The following SERGEF variants were observed in gnomAD, a reference collection of about 807,000 sequenced individuals.
SERGEF encodes secretion regulating guanine nucleotide exchange factor.
SERGEF carries 51 observed loss-of-function variants against 50.0 expected under a neutral mutation model. The observed-to-expected ratio is 1.02, with a 90% confidence interval of 0.81 to 1.29. SERGEF has a LOEUF of 1.29. Among genes scored for constraint, SERGEF ranks in the 50% most tolerant of loss-of-function variants. The pLI is 0.00. For synonymous variants in SERGEF, 205 were observed against 212.4 expected (o/e 0.97, Z 0.30); for missense variants, 521 against 557.0 (o/e 0.94, Z 0.65).
intron 9 of SERGEF, among the ~76,000 whole-genome samples, chr11:17,944,274 C>T (rs138537760): frequency 8.9e-4 from 135 of 152,202 alleles, no homozygotes; most frequent in African/African-American, 3.0e-3. Flanking sequence ...AACTTGATGC[C>T]CCATTATTCT....
At chr11:17,950,434 G>A (rs913347448) in intron 9 of SERGEF, among the ~76,000 whole-genome samples, 1 of 152,144 alleles carries the variant, frequency 6.6e-6, no homozygotes, top group Non-Finnish European at 1.5e-5. Context: ...TGTATTATGG[G>A]AATAAATGTT....
chr11:17,963,350 T>C (rs1347058616), intron 8 of SERGEF, among the ~76,000 whole-genome samples: 1 of 128,526 alleles, frequency 7.8e-6, no homozygotes, highest in African/African-American at 3.1e-5. Flanking sequence ...CTAAACTTGG[T>C]TGCTTACTAT....
chr11:18,002,790 C>T (rs1338838296), intron 4 of SERGEF, among the ~76,000 whole-genome samples: 1 of 152,194 alleles, frequency 6.6e-6, no homozygotes. Context: ...ACTGCCTAAA[C>T]ATAGTACCTA....
intron 9 of SERGEF, among the ~76,000 whole-genome samples, chr11:17,940,153 T>C (rs1025642594): frequency 1.3e-5 from 2 of 152,130 alleles, no homozygotes; most frequent in Non-Finnish European, 2.9e-5. Flanking sequence ...GAGTCCAGTA[T>C]GGTGGGTTCA....
At chr11:17,962,458 C>T (rs1252363151) in intron 8 of SERGEF, among the ~76,000 whole-genome samples, 1 of 151,968 alleles carries the variant, frequency 6.6e-6, no homozygotes, top group African/African-American at 2.4e-5. Flanking sequence ...ACAAATTTAA[C>T]AAACGTATCT....
At chr11:17,936,121 C>A (rs1002990956) in intron 9 of SERGEF, among the ~76,000 whole-genome samples, 1 of 152,140 alleles carries the variant, frequency 6.6e-6, no homozygotes, top group African/African-American at 2.4e-5. Context: ...GTATAACAAG[C>A]AGAATGTTAA....
At chr11:17,925,398 C>T (rs1458953453) in intron 9 of SERGEF, among the ~76,000 whole-genome samples, 1 of 152,014 alleles carries the variant, frequency 6.6e-6, no homozygotes, top group African/African-American at 2.4e-5. Flanking sequence ...AAAGGGACTG[C>T]ATTCTAGAAG....
intron 9 of SERGEF, among the ~76,000 whole-genome samples, chr11:17,881,911 A>G (rs1851338208): frequency 6.6e-6 from 1 of 152,122 alleles, no homozygotes; most frequent in Non-Finnish European, 1.5e-5. Flanking sequence ...AACATCTTAC[A>G]AGGCCCTCAT....
At chr11:17,950,497 T>C (rs1852755136) in intron 9 of SERGEF, among the ~76,000 whole-genome samples, 1 of 152,226 alleles carries the variant, frequency 6.6e-6, no homozygotes, top group Non-Finnish European at 1.5e-5. Flanking sequence ...ATCAGATTTC[T>C]ATTTCAGTAC....
intron 9 of SERGEF, among the ~76,000 whole-genome samples, chr11:17,889,380 A>G (rs1851490491): frequency 2.6e-5 from 4 of 152,268 alleles, no homozygotes; most frequent in Admixed American, 2.6e-4. Flanking sequence ...ATGATGCACT[A>G]AAGACAGACA....
intron 10 of SERGEF, among the ~76,000 whole-genome samples, chr11:17,847,912 T>G (rs1850643670): frequency 6.6e-6 from 1 of 152,186 alleles, no homozygotes; most frequent in African/African-American, 2.4e-5. Flanking sequence ...CTGCCAAGTT[T>G]GAGAACCTCT....
chr11:17,851,460 A>T (rs1850711835), intron 10 of SERGEF, among the ~76,000 whole-genome samples: 1 of 152,110 alleles, frequency 6.6e-6, no homozygotes, highest in Non-Finnish European at 1.5e-5. Context: ...TGTAAGACAC[A>T]TGAGTACAAG....
intron 4 of SERGEF, among the ~76,000 whole-genome samples, chr11:18,003,771 G>A (rs1854016667): frequency 2.0e-5 from 3 of 152,146 alleles, no homozygotes; most frequent in African/African-American, 7.2e-5. Flanking sequence ...CAAATCTATA[G>A]AGACAAAAAG....
rs1254375462 is a variant in SERGEF at position 17,959,591 on chromosome 11, A to T, written c.890T>A (p.Leu297Gln). 6.2e-7 allele frequency: 1 copy of T among 1,614,096 alleles called. No homozygotes were observed. Among genetic ancestry groups the T allele is most frequent in the South Asian group, 1.1e-5 (1 of 91,060 alleles). Residue 297 changes from leucine (L) to glutamine (Q), a missense_variant, in exon 9 of 11, where the codon CTA (leucine) becomes CAA (glutamine). By Grantham distance (113) the Leu-to-Gln change is moderately radical. Coordinates refer to ENST00000265965, the MANE Select transcript of SERGEF (RefSeq NM_012139.4). ...FTWGRADYGQ[L>Q]GRKLETYEGW... is the part of the protein sequence containing the mutation. The stretch of plus-strand genomic sequence containing the variant: ...TTCATAAGTCTCCAACTTCCTCCCT[A>T]GCTGACCATAGTCTGCTCGGCCCCA...
intron 8 of SERGEF, among the ~76,000 whole-genome samples, chr11:17,962,037 G>C (rs1466994722): frequency 6.6e-6 from 1 of 152,172 alleles, no homozygotes; most frequent in Non-Finnish European, 1.5e-5. Context: ...TGATTTGGTT[G>C]AGTTCAATCA....
chr11:17,910,235 G>GT (rs1851926721), intron 9 of SERGEF, among the ~76,000 whole-genome samples: 1 of 150,368 alleles, frequency 6.7e-6, no homozygotes, highest in African/African-American at 2.5e-5. Flanking sequence ...GCTAAATCTT[G>GT]TAAGTTCAGG....
intron 1 of SERGEF, among the ~76,000 whole-genome samples, chr11:18,008,489 T>G (rs1254127626): frequency 2.0e-5 from 3 of 152,302 alleles, no homozygotes; most frequent in Non-Finnish European, 2.9e-5. Context: ...TTTTTCTACC[T>G]CAGGCCCCAG....
intron 1 of SERGEF, among the ~76,000 whole-genome samples, chr11:18,008,312 C>T (rs1854125734): frequency 6.6e-6 from 1 of 152,202 alleles, no homozygotes; most frequent in African/African-American, 2.4e-5. Flanking sequence ...AACACTGTCT[C>T]CCCACCCCTG....
chr11:17,798,749 A>G (rs78517949), intron 10 of SERGEF, among the ~76,000 whole-genome samples: 2,447 of 152,362 alleles, frequency 0.016, 61 homozygotes, highest in African/African-American at 0.054. Flanking sequence ...AGGGGGCAGA[A>G]AGAGAAACTA....
Sources: gnomAD v4.1 joint callset for allele counts (sites outside exome capture counted in the v4.1 genomes callset) on GRCh38, gnomAD v4.1.1 for gene constraint, MANE v1.5 for transcripts, NCBI Gene and HGNC (gene_info 2026-07-23, HGNC 2026-07-21) for gene names.